Variants in MDGA1 observed in about 807,000 individuals in gnomAD.
The protein encoded by MDGA1 is MAM domain-containing glycosylphosphatidylinositol anchor protein 1.
Under a neutral mutation model 101.5 loss-of-function variants are expected in MDGA1, and 54 were observed. The observed-to-expected ratio is 0.53, with a 90% confidence interval of 0.43 to 0.67. The LOEUF (loss-of-function observed/expected upper bound fraction) is 0.67, where lower values mean the gene tolerates loss of function less well. MDGA1 is among the 30% of genes least tolerant of loss of function. The probability of loss-of-function intolerance (pLI) is 0.00; values close to 1 mark genes in which losing one functional copy is unlikely to be tolerated. For missense variants in MDGA1, 1,083 were observed against 1,323.8 expected (o/e 0.82, Z 2.82); for synonymous variants, 533 against 558.3 (o/e 0.95, Z 0.64).
In MDGA1 at chr6:37,649,019, G is replaced by A. The variant is rs776544956; in HGVS notation, c.1857C>T (p.Asn619=). Reference sequence around the variant, plus strand: ...AGAGGCAGGCAGCCGAGCCCACATCGTTGGAGACGCTGCACTCGTAGCTGC... The same window carrying A: ...AGAGGCAGGCAGCCGAGCCCACATCATTGGAGACGCTGCACTCGTAGCTGC... The part of the protein sequence containing the change: ...SSGSYECSVS[N]DVGSAACLFQ... The change falls in exon 9 of 17, where the codon AAC becomes AAT. Residue 619 remains asparagine (N), a synonymous_variant. Transcript: ENST00000434837. 4 of 1,551,942 alleles carry A rather than the reference G, an allele frequency of 2.6e-6. No homozygotes were observed. The highest frequency in any genetic ancestry group is 1.9e-5 in the Admixed American group (1 of 51,722).
rs1172498211 is a variant in MDGA1 at position 37,633,721 on chromosome 6, C to T, written c.*3647G>A. 2.0e-5 allele frequency: 3 copies of T among 152,414 alleles called. No homozygotes were observed. Among genetic ancestry groups the T allele is most frequent in the South Asian group, 2.1e-4 (1 of 4,828 alleles). 9.4% of individuals were successfully genotyped at this position (152,414 alleles called of 1,614,324 possible). On this transcript the variant is annotated 3_prime_UTR_variant, in exon 17 of 17. Coordinates refer to ENST00000434837, the MANE Select transcript of MDGA1 (RefSeq NM_153487.4). ...GGCAGGATCCCAGCAACATCTATAACATCCCCACCGGCACCCTGGACACAG... is the reference window on the plus strand; with the variant it reads ...GGCAGGATCCCAGCAACATCTATAATATCCCCACCGGCACCCTGGACACAG...
chr6:37,637,358 A>G lies in MDGA1; in HGVS notation c.*10T>C, dbSNP rs764580907. 6.2e-6 allele frequency: 10 copies of G among 1,609,944 alleles called. No homozygotes were observed. On this transcript the variant is annotated 3_prime_UTR_variant, in exon 17 of 17. Coordinates refer to ENST00000434837, the MANE Select transcript of MDGA1 (RefSeq NM_153487.4). ...GGGGCAAGGTTGGGGGGGTGGCCACACAGCTCTCATCATCTCTGCAACGCC... is the reference window on the plus strand; with the variant it reads ...GGGGCAAGGTTGGGGGGGTGGCCACGCAGCTCTCATCATCTCTGCAACGCC...
intron 1 of MDGA1, among the ~76,000 whole-genome samples, chr6:37,694,490 C>A (rs1052231159): frequency 6.6e-6 from 1 of 152,208 alleles, no homozygotes; most frequent in African/African-American, 2.4e-5. Context: ...CCTTCACTCT[C>A]ATGCTGTTTC....
chr6:37,641,079 T>C (rs1054913457), intron 14 of MDGA1, among the ~76,000 whole-genome samples: 4 of 152,152 alleles, frequency 2.6e-5, no homozygotes, highest in Admixed American at 2.0e-4. Flanking sequence ...TCCTAGTTCC[T>C]CTTCCCTCCT....
chr6:37,649,318 G>A, intron 8 of MDGA1, 52 bp from the exon 9 acceptor site: 2 of 1,432,016 alleles, frequency 1.4e-6, no homozygotes, highest in Admixed American at 3.0e-5. Flanking sequence ...AGTGGGGCCT[G>A]AGGAGTGGCC....
chr6:37,679,591 A>G (rs1333026762), intron 1 of MDGA1, among the ~76,000 whole-genome samples: 1 of 152,142 alleles, frequency 6.6e-6, no homozygotes, highest in Non-Finnish European at 1.5e-5. Context: ...GTGCCTGTAC[A>G]CAGAGCCTCC....
chr6:37,672,051 G>A (rs1581616837), intron 1 of MDGA1, among the ~76,000 whole-genome samples: 1 of 152,006 alleles, frequency 6.6e-6, no homozygotes, highest in African/African-American at 2.4e-5. Flanking sequence ...TGAGGTGGGA[G>A]AATGGCTTGA....
intron 6 of MDGA1, 112 bp downstream of exon 6, chr6:37,654,162 A>G (rs551644266): frequency 1.5e-4 from 186 of 1,266,988 alleles, no homozygotes; most frequent in Non-Finnish European, 2.0e-4. Context: ...TGCATGACTC[A>G]TCTACCAAGG....
chr6:37,694,919 G>A (rs1006739739), intron 1 of MDGA1, among the ~76,000 whole-genome samples: 2 of 152,092 alleles, frequency 1.3e-5, no homozygotes, highest in South Asian at 4.2e-4. Context: ...ATAAGCCTAT[G>A]GCTGAATCCT....
Position 37,636,856 on chromosome 6 carries a change from C to T in MDGA1, c.*512G>A, listed in dbSNP as rs547717733. The T allele has an allele frequency of 1.3e-5, 2 of 152,980 alleles. No homozygotes were observed. The highest frequency in any genetic ancestry group is 2.9e-5 in the Non-Finnish European group (2 of 68,318). The allele number at this position is 152,980 out of a possible 1,614,324, so 9.5% of individuals were successfully genotyped here. ...AGTCCCACCTGTTCGTCCTCTGATCCCTGCCTCTCCCATCTCAGGAGTCCC... is the reference window on the plus strand; with the variant it reads ...AGTCCCACCTGTTCGTCCTCTGATCTCTGCCTCTCCCATCTCAGGAGTCCC... On this transcript the variant is annotated 3_prime_UTR_variant, in exon 17 of 17. Coordinates refer to ENST00000434837, the MANE Select transcript of MDGA1 (RefSeq NM_153487.4).
chr6:37,691,808 A>G (rs3812236), intron 1 of MDGA1, among the ~76,000 whole-genome samples: 76,675 of 152,108 alleles, frequency 0.5, 19,931 homozygotes, highest in East Asian at 0.81. Context: ...TTCTGACCAC[A>G]GGGAGAAGAT....
intron 6 of MDGA1, among the ~76,000 whole-genome samples, chr6:37,653,992 G>A (rs1055564004): frequency 6.6e-6 from 1 of 152,090 alleles, no homozygotes; most frequent in African/African-American, 2.4e-5. Flanking sequence ...AAAAATGTAG[G>A]TAATCAATCC....
intron 16 of MDGA1, chr6:37,637,892 G>A: frequency 1.9e-6 from 1 of 528,396 alleles, no homozygotes. Context: ...GGCCCTGGAA[G>A]GCACACGTTC....
rs1266342464 is a variant in MDGA1, at chr6:37,649,101, G to C, written c.1775C>G (p.Ala592Gly). ...CAGCTCCGCGTGATCCGGCGCCTCGGCGGCGGCGGGAACAACAGGCGGCGG... is the reference window on the plus strand; with the variant it reads ...CAGCTCCGCGTGATCCGGCGCCTCGCCGGCGGCGGGAACAACAGGCGGCGG... ...LPPPPVVPAA[A>G]EAPDHAELRL... The change falls in exon 9 of 17, where the codon GCC (alanine) becomes GGC (glycine). Residue 592 changes from alanine to glycine, a missense_variant. Ala to Gly is a moderately conservative substitution (Grantham distance 60, BLOSUM62 0). Coordinates refer to ENST00000434837, the MANE Select transcript of MDGA1 (RefSeq NM_153487.4). 1 of 1,519,858 alleles carries C rather than the reference G, an allele frequency of 6.6e-7. No individual in the cohort carries two copies. The highest frequency in any genetic ancestry group is 8.8e-7 in the Non-Finnish European group (1 of 1,136,286). 94.1% of individuals were successfully genotyped at this position (1,519,858 alleles called of 1,614,324 possible). A position where few individuals can be genotyped will look rare whatever the true frequency, so the allele number is the denominator to read the frequency against.
Position 37,652,604 on chromosome 6 carries a change from C to A in MDGA1, c.983-264G>T, listed in dbSNP as rs1341206803. 1.3e-5 allele frequency among the ~76,000 whole-genome samples: 2 copies of A among 152,222 alleles called. No homozygotes were observed. The highest frequency in any genetic ancestry group is 2.9e-5 in the Non-Finnish European group (2 of 68,038). On this transcript the variant is annotated intron_variant, in intron 6 of 16. Coordinates refer to ENST00000434837, the MANE Select transcript of MDGA1 (RefSeq NM_153487.4). This position sits in a 1 kb window ranked among gnomAD's most constrained non-coding sequence, Gnocchi z 4.3. The stretch of plus-strand genomic sequence containing the variant: ...TATACACTATGTGAGAGGCACTGTT[C>A]CAAGCACTTAACATGGATTTACTAG...
Position 37,654,825 on chromosome 6 carries a change from G to C in MDGA1, c.687C>G (p.Ile229Met). Residue 229 changes from isoleucine (I) to methionine (M), a missense_variant, in exon 5 of 17, where the codon ATC becomes ATG. Around this residue, in one of 3 missense-constraint regions of MDGA1, gnomAD observed 310 missense variants for 355.9 expected, o/e 0.87. Transcript: ENST00000434837. ...CCGTGGTGTTGGTGAGCCGGAAGGT[G>C]ATGGCCTTGTCTGGGATGCCGCACA... ...RNVCGIPDKA[I>M]TFRLTNTTAP... The C allele has an allele frequency of 6.2e-7, 1 of 1,613,826 alleles. No homozygotes were observed. The highest frequency in any genetic ancestry group is 8.5e-7 in the Non-Finnish European group (1 of 1,179,838).
intron 1 of MDGA1, among the ~76,000 whole-genome samples, chr6:37,677,571 G>A (rs535415463): frequency 7.9e-5 from 12 of 152,272 alleles, no homozygotes; most frequent in East Asian, 5.8e-4. Flanking sequence ...AAAGGCAGCC[G>A]AGAAAGCAGA....
rs1020846133 is a variant in MDGA1 at position 37,636,845 on chromosome 6, G to A, written c.*523C>T. 1 of 152,986 alleles carries A rather than the reference G, an allele frequency of 6.5e-6. No homozygotes were observed. The highest frequency in any genetic ancestry group is 2.4e-5 in the African/African-American group (1 of 41,566). The allele number at this position is 152,986 out of a possible 1,614,324, so 9.5% of individuals were successfully genotyped here. The stretch of plus-strand genomic sequence containing the variant: ...AGAGCTCGCAAAGTCCCACCTGTTC[G>A]TCCTCTGATCCCTGCCTCTCCCATC... On this transcript the variant is annotated 3_prime_UTR_variant, in exon 17 of 17. Transcript: ENST00000434837.
At chr6:37,676,318 G>A (rs977848625) in intron 1 of MDGA1, among the ~76,000 whole-genome samples, 2 of 152,224 alleles carry the variant, frequency 1.3e-5, no homozygotes, top group Non-Finnish European at 2.9e-5. Flanking sequence ...GGATGGCAGT[G>A]GCTTTGCTAA....
Sources: allele counts gnomAD v4.1 joint callset (sites outside exome capture counted in the v4.1 genomes callset), GRCh38; gene constraint gnomAD v4.1.1; regional missense constraint gnomAD v4.1.1; non-coding constraint Gnocchi (gnomAD v3.1); transcripts MANE v1.5; gene names NCBI Gene and HGNC (gene_info 2026-07-23, HGNC 2026-07-21).